FAM78B: variants seen among roughly 807,000 people sequenced by gnomAD.
FAM78B encodes family with sequence similarity 78 member B, also known as protein FAM78B.
In FAM78B, 10 loss-of-function variants were observed where a neutral mutation model predicts 20.0. The observed-to-expected ratio is 0.50, with a 90% CI of 0.31 to 0.85. FAM78B has a LOEUF of 0.85. Ranked by LOEUF, FAM78B falls within the 40% of genes least tolerant of loss-of-function variation. FAM78B has a pLI of 0.05. For missense variants in FAM78B, 283 were observed against 345.0 expected (o/e 0.82, Z 1.42); for synonymous variants, 135 against 132.8 (o/e 1.02, Z -0.12).
chr1:166,075,154 G>C (rs1255207902), intron 1 of FAM78B, among the ~76,000 whole-genome samples: 1 of 152,164 alleles, frequency 6.6e-6, no homozygotes, highest in African/African-American at 2.4e-5. Flanking sequence ...TTGCTCAGGA[G>C]AGTTAACTGC....
downstream of FAM78B, among the ~76,000 whole-genome samples, chr1:166,056,252 C>T (rs1651339959): frequency 6.6e-6 from 1 of 152,038 alleles, no homozygotes; most frequent in African/African-American, 2.4e-5. Context: ...TCCTTGCTCT[C>T]CCTCTTTTGA....
At chr1:166,112,113 G>T (rs538965751) in intron 1 of FAM78B, among the ~76,000 whole-genome samples, 1 of 152,246 alleles carries the variant, frequency 6.6e-6, no homozygotes, top group South Asian at 2.1e-4. Flanking sequence ...AAATTCTTGG[G>T]GTATATCTGT....
At chr1:166,129,714 C>T (rs1002273347) in intron 1 of FAM78B, among the ~76,000 whole-genome samples, 3 of 152,238 alleles carry the variant, frequency 2.0e-5, no homozygotes, top group African/African-American at 7.2e-5. Flanking sequence ...CCTTCACAGA[C>T]CCTGCTGCTT....
At chr1:166,064,895 A>C (rs569537223), downstream of FAM78B, among the ~76,000 whole-genome samples, 5 of 152,332 alleles carry the variant, frequency 3.3e-5, no homozygotes, top group African/African-American at 1.2e-4. Flanking sequence ...CAGAAAAGTT[A>C]AATGATTTGT....
At chr1:166,156,261 C>A (rs1312031783) in intron 1 of FAM78B, among the ~76,000 whole-genome samples, 1 of 152,242 alleles carries the variant, frequency 6.6e-6, no homozygotes, top group African/African-American at 2.4e-5. Flanking sequence ...CTGAAAATTT[C>A]TCTTTGCGCT....
chr1:166,149,165 T>C (rs970644764), intron 1 of FAM78B, among the ~76,000 whole-genome samples: 6 of 152,206 alleles, frequency 3.9e-5, no homozygotes, highest in Non-Finnish European at 5.9e-5. Context: ...TACCCAGTAA[T>C]GGGATGGCTG....
chr1:166,148,459 A>G (rs769350079), intron 1 of FAM78B, among the ~76,000 whole-genome samples: 4 of 152,240 alleles, frequency 2.6e-5, no homozygotes, highest in Non-Finnish European at 5.9e-5. Flanking sequence ...GGCAACTTAC[A>G]TGGTCTTTCA....
intron 1 of FAM78B, among the ~76,000 whole-genome samples, chr1:166,133,093 A>G (rs918424396): frequency 1.3e-5 from 2 of 152,198 alleles, no homozygotes; most frequent in African/African-American, 4.8e-5. Context: ...TGGCAGGGCA[A>G]GGAGATTGCT....
intron 1 of FAM78B, among the ~76,000 whole-genome samples, chr1:166,084,680 C>T (rs1176555712): frequency 6.6e-6 from 1 of 152,194 alleles, no homozygotes; most frequent in African/African-American, 2.4e-5. Flanking sequence ...CGTCTACTCT[C>T]CTATCAGGGT....
In FAM78B at chr1:166,109,892, A is replaced by ATATATATATG. The variant is rs1653972997; in HGVS notation, c.264-39130_264-39129insCATATATATA. On this transcript the variant is annotated intron_variant, in intron 1 of 1. Transcript: ENST00000354422. The stretch of plus-strand genomic sequence containing the variant: ...TGTATATATATATATGTATATATGT[A>ATATATATATG]TATATATATATATATATATATATAT... Among the ~76,000 whole-genome samples, 7 of 41,906 alleles carry ATATATATATG rather than the reference A, an allele frequency of 1.7e-4. 1 individual carries two copies. Among genetic ancestry groups the ATATATATATG allele is most frequent in the African/African-American group, 5.5e-4 (4 of 7,292 alleles). 27.5% of individuals were successfully genotyped at this position (41,906 alleles called of 152,430 possible). A position where few individuals can be genotyped will look rare whatever the true frequency, so the allele number is the denominator to read the frequency against.
At chr1:166,083,724 G>A (rs892690294) in intron 1 of FAM78B, among the ~76,000 whole-genome samples, 5 of 149,526 alleles carry the variant, frequency 3.3e-5, no homozygotes, top group Non-Finnish European at 7.4e-5. Flanking sequence ...GGATGGTCTC[G>A]ATCTCTTGAC....
chr1:166,166,748 C>T lies in FAM78B; in HGVS notation c.-500G>A, dbSNP rs1375334581. On this transcript the variant is annotated 5_prime_UTR_variant, in exon 1 of 2. In the 5' UTR this introduces an upstream ATG that the reference lacks. Transcript: ENST00000354422. The stretch of plus-strand genomic sequence containing the variant: ...CGCCGCCGCTGCATGAACCTCTGCA[C>T]CACGGCTGCCCCCCGCGTGCAGCGC... 6.7e-6 allele frequency: 1 copy of T among 149,646 alleles called. No individual in the cohort carries two copies. The highest frequency in any genetic ancestry group is 6.6e-5 in the Admixed American group (1 of 15,060). The allele number at this position is 149,646 out of a possible 1,614,324, so 9.3% of individuals were successfully genotyped here. A position where few individuals can be genotyped will look rare whatever the true frequency, so the allele number is the denominator to read the frequency against.
In FAM78B at chr1:166,086,666, G is replaced by A. The variant is rs1400694368; in HGVS notation, c.264-15903C>T. 7.9e-5 allele frequency among the ~76,000 whole-genome samples: 12 copies of A among 152,330 alleles called. 1 individual carries two copies. The East Asian group carries it at 2.3e-3, about 29-fold the overall frequency. On this transcript the variant is annotated intron_variant, in intron 1 of 1. Coordinates refer to ENST00000354422, the MANE Select transcript of FAM78B (RefSeq NM_001017961.5). ...CTGCATGCTGAGTAGGGCAGCAGAT[G>A]TGGGGAGTTTCCGGCAGCAGCTGAG...
chr1:166,165,546 G>C (rs750467529), intron 1 of FAM78B, among the ~76,000 whole-genome samples: 1 of 152,102 alleles, frequency 6.6e-6, no homozygotes, highest in Non-Finnish European at 1.5e-5. Context: ...AGCCCGCTCC[G>C]GTTTCTCCAA....
In FAM78B at chr1:166,166,955, G is replaced by C. The variant is rs1376079045; in HGVS notation, c.-707C>G. The C allele has an allele frequency of 6.6e-6, 1 of 151,750 alleles. No individual in the cohort carries two copies. Among genetic ancestry groups the C allele is most frequent in the Non-Finnish European group, 1.5e-5 (1 of 67,966 alleles). The allele number at this position is 151,750 out of a possible 1,614,324, so 9.4% of individuals were successfully genotyped here. ...CCCGGGGTGGAGAGCCCCAACGGCT[G>C]GAGCAGCACAGGACGTGCTCCGCGG... On this transcript the variant is annotated 5_prime_UTR_variant, in exon 1 of 2. Transcript: ENST00000354422.
At chr1:166,155,560 G>C (rs1437913564) in intron 1 of FAM78B, among the ~76,000 whole-genome samples, 1 of 152,176 alleles carries the variant, frequency 6.6e-6, no homozygotes, top group Non-Finnish European at 1.5e-5. Context: ...CTTAGCAAAA[G>C]ACAGGCTCCT....
chr1:166,160,419 G>A (rs1656099514), intron 1 of FAM78B, among the ~76,000 whole-genome samples: 1 of 152,232 alleles, frequency 6.6e-6, no homozygotes, highest in South Asian at 2.1e-4. Context: ...TGATACGAGA[G>A]CAAGGCTTCG....
chr1:166,090,391 C>A (rs1358346538), intron 1 of FAM78B, among the ~76,000 whole-genome samples: 1 of 152,144 alleles, frequency 6.6e-6, no homozygotes, highest in Non-Finnish European at 1.5e-5. Context: ...CTCACTGAAA[C>A]TGAACCCTTA....
chr1:166,061,004 C>A (rs1651576561), intron 2 of FAM78B, among the ~76,000 whole-genome samples: 1 of 152,118 alleles, frequency 6.6e-6, no homozygotes. Flanking sequence ...TTTTTAGCAT[C>A]CAAAGCACAA....
Sources: gnomAD v4.1 joint callset for allele counts (sites outside exome capture counted in the v4.1 genomes callset) on GRCh38, gnomAD v4.1.1 for gene constraint, MANE v1.5 for transcripts, NCBI Gene and HGNC (gene_info 2026-07-23, HGNC 2026-07-21) for gene names.